ZNF407: variants seen among roughly 807,000 people sequenced by gnomAD.
ZNF407 encodes zinc finger protein 407.
A neutral mutation model predicts 131.2 loss-of-function variants in ZNF407; 17 were observed. That is an observed-to-expected ratio of 0.13 (90% confidence interval 0.09 to 0.19). The LOEUF (loss-of-function observed/expected upper bound fraction) is 0.19. ZNF407 is among the 10% of genes least tolerant of loss of function. The pLI is 1.00. For synonymous variants in ZNF407, 1,156 were observed against 1,062.0 expected, an observed-to-expected ratio of 1.09 and a Z score of -1.72; for missense variants, 2,681 against 2,830.6, an observed-to-expected ratio of 0.95 and a Z score of 1.20.
At chr18:74,885,366 CAG>C (rs947979468) in intron 6 of ZNF407, among the ~76,000 whole-genome samples, 4 of 152,138 alleles carry the variant, frequency 2.6e-5, no homozygotes, top group African/African-American at 9.6e-5. Context: ...AAGATCTGAA[CAG>C]AGTGTTGTAC....
chr18:74,764,026 T>G (rs981386436), intron 3 of ZNF407, among the ~76,000 whole-genome samples: 1 of 152,100 alleles, frequency 6.6e-6, no homozygotes, highest in Non-Finnish European at 1.5e-5. Flanking sequence ...TTTGATCTTT[T>G]GTATATAACA....
chr18:74,672,039 T>C (rs1330185565), intron 3 of ZNF407, among the ~76,000 whole-genome samples: 1 of 152,156 alleles, frequency 6.6e-6, no homozygotes, highest in East Asian at 1.9e-4. Flanking sequence ...CATGTGTCTT[T>C]ATGGTAGAGT....
At chr18:75,060,272 C>G (rs1232062254) in intron 8 of ZNF407, 1 of 152,232 alleles carries the variant, frequency 6.6e-6, no homozygotes, top group African/African-American at 2.4e-5. Flanking sequence ...GCTAGACTTA[C>G]GAACATTTTG....
Position 74,881,074 on chromosome 18 carries a change from G to T in ZNF407, c.5083G>T (p.Gly1695Cys). The change falls in exon 6 of 9, where the codon GGC (glycine) becomes TGC (cysteine). Residue 1695 changes from glycine to cysteine, a missense_variant. Gly to Cys is a radical substitution (Grantham distance 159). Around this residue, in one of 6 missense-constraint regions of ZNF407, gnomAD observed 213 missense variants for 332.2 expected, o/e 0.64. Transcript: ENST00000299687. Reference sequence around the variant, plus strand: ...TCTGTGTGACCTCTGCGGCTTTGCCGGCGGGACCCGCCACGCCCTCACCAA... The same window carrying T: ...TCTGTGTGACCTCTGCGGCTTTGCCTGCGGGACCCGCCACGCCCTCACCAA... ...SFLCDLCGFA[G>C]GTRHALTKHR... The T allele has an allele frequency of 6.4e-7, 1 of 1,564,416 alleles. No individual in the cohort carries two copies. Among genetic ancestry groups the T allele is most frequent in the Non-Finnish European group, 8.7e-7 (1 of 1,155,022 alleles).
intron 8 of ZNF407, among the ~76,000 whole-genome samples, chr18:75,052,075 A>C (rs532381772): frequency 6.6e-6 from 1 of 152,300 alleles, no homozygotes; most frequent in Non-Finnish European, 1.5e-5. Flanking sequence ...ATGGAAATGG[A>C]AGGCTACCCT....
In ZNF407 at chr18:74,895,556, C is replaced by CA. The variant is rs200497200; in HGVS notation, c.5249+5526dup. Reference sequence around the variant, plus strand: ...TTAAGGAAGTTTTAAGATGCAATGACAAAAAAAATTGTATTTATAATTTTC... The same window carrying CA: ...TTAAGGAAGTTTTAAGATGCAATGACAAAAAAAAATTGTATTTATAATTTTC... On this transcript the variant is annotated intron_variant, in intron 7 of 8. Transcript: ENST00000299687. 9.3e-3 allele frequency among the ~76,000 whole-genome samples: 1,405 copies of CA among 151,642 alleles called. 11 individuals carry two copies. The highest frequency in any genetic ancestry group is 0.027 in the Middle Eastern group (8 of 294).
At chr18:74,728,636 A>T (rs1599104355) in intron 3 of ZNF407, among the ~76,000 whole-genome samples, 1 of 152,154 alleles carries the variant, frequency 6.6e-6, no homozygotes, top group East Asian at 1.9e-4. Context: ...GATGTACAGG[A>T]AGCAGCCAGG....
intron 8 of ZNF407, among the ~76,000 whole-genome samples, chr18:74,962,407 A>G (rs1298408830): frequency 6.6e-6 from 1 of 152,264 alleles, no homozygotes; most frequent in East Asian, 1.9e-4. Context: ...GCATACTGAC[A>G]TGGCGTGGGC....
intron 4 of ZNF407, among the ~76,000 whole-genome samples, chr18:74,797,098 T>G (rs370549139): frequency 2.0e-5 from 3 of 152,156 alleles, no homozygotes; most frequent in African/African-American, 7.2e-5. Context: ...ACAGTGCATG[T>G]AGTGTCAGGA....
At chr18:74,924,673 A>T (rs1971889627) in intron 8 of ZNF407, among the ~76,000 whole-genome samples, 1 of 152,168 alleles carries the variant, frequency 6.6e-6, no homozygotes, top group Non-Finnish European at 1.5e-5. Flanking sequence ...TGTGTAGTTC[A>T]CTTCAGCAGG....
At chr18:75,042,499 C>G (rs1033338669) in intron 8 of ZNF407, among the ~76,000 whole-genome samples, 3 of 152,160 alleles carry the variant, frequency 2.0e-5, no homozygotes, top group Non-Finnish European at 4.4e-5. Context: ...TAACTGCCCA[C>G]TGAATTTAGG....
chr18:74,708,128 T>TA (rs1967670443), intron 3 of ZNF407, among the ~76,000 whole-genome samples: 1 of 152,216 alleles, frequency 6.6e-6, no homozygotes, highest in African/African-American at 2.4e-5. Flanking sequence ...AAACAACAAA[T>TA]AAAAAAATCC....
At chr18:74,890,298 A>G (rs1971366734) in intron 7 of ZNF407, among the ~76,000 whole-genome samples, 2 of 152,180 alleles carry the variant, frequency 1.3e-5, no homozygotes, top group Non-Finnish European at 2.9e-5. Flanking sequence ...TTCGTTATCA[A>G]CATTCCCCAC....
At chr18:74,886,576 G>A (rs999679018) in intron 6 of ZNF407, among the ~76,000 whole-genome samples, 1 of 152,204 alleles carries the variant, frequency 6.6e-6, no homozygotes, top group African/African-American at 2.4e-5. Flanking sequence ...GAAAATAAGT[G>A]AAGTATTTAT....
At chr18:74,791,658 C>T (rs1262835707) in intron 4 of ZNF407, among the ~76,000 whole-genome samples, 1 of 152,108 alleles carries the variant, frequency 6.6e-6, no homozygotes, top group Non-Finnish European at 1.5e-5. Flanking sequence ...GATTTTTTCT[C>T]ACTTATTCTG....
intron 8 of ZNF407, among the ~76,000 whole-genome samples, chr18:75,020,036 T>C (rs1221912081): frequency 6.6e-6 from 1 of 152,172 alleles, no homozygotes; most frequent in Admixed American, 6.5e-5. Context: ...GTATCCATCC[T>C]GGTCATCAGA....
chr18:74,772,781 G>C (rs1969388133), intron 3 of ZNF407, among the ~76,000 whole-genome samples: 1 of 152,150 alleles, frequency 6.6e-6, no homozygotes, highest in Non-Finnish European at 1.5e-5. Context: ...AGGAAGGTGT[G>C]TCACGGGGGT....
chr18:74,694,793 G>A lies in ZNF407; in HGVS notation c.4802+53671G>A, dbSNP rs116111951. On this transcript the variant is annotated intron_variant, in intron 3 of 8. Transcript: ENST00000299687. ...CCAGTTTTCTGGTGGCTTACAGTGG[G>A]CCCTAGTTCTCATGACTGGAAGCTT... Among the ~76,000 whole-genome samples the A allele has an allele frequency of 6.3e-3, 964 of 152,202 alleles. 6 individuals carry two copies. The highest frequency in any genetic ancestry group is 0.022 in the African/African-American group (901 of 41,522).
rs1856556783 is a variant in ZNF407, at chr18:75,048,532, C to T, written c.5429-14618C>T. On this transcript the variant is annotated intron_variant, in intron 8 of 8. Transcript: ENST00000299687. The surrounding 1 kb of genome is among the most constrained non-coding windows in gnomAD (Gnocchi z 4.1). ...GTATTCTCATCATAGCCAGAAATTT[C>T]CAACCCAGCCTAGCCTTCCCCTGGC... 6.6e-6 allele frequency among the ~76,000 whole-genome samples: 1 copy of T among 152,102 alleles called. No individual in the cohort carries two copies. Among genetic ancestry groups the T allele is most frequent in the African/African-American group, 2.4e-5 (1 of 41,402 alleles).
Sources: allele counts gnomAD v4.1 joint callset (sites outside exome capture counted in the v4.1 genomes callset), GRCh38; gene constraint gnomAD v4.1.1; regional missense constraint gnomAD v4.1.1; non-coding constraint Gnocchi (gnomAD v3.1); transcripts MANE v1.5; gene names NCBI Gene and HGNC (gene_info 2026-07-23, HGNC 2026-07-21).